AOPEP: variants seen among roughly 807,000 people sequenced by gnomAD.
AOPEP encodes aminopeptidase O.
A neutral mutation model predicts 98.1 loss-of-function variants in AOPEP; 77 were observed. That is an observed-to-expected ratio of 0.78 (90% CI 0.65 to 0.95). AOPEP has a LOEUF of 0.95. Among genes scored for constraint, AOPEP ranks in the 40% least tolerant of loss-of-function variants. AOPEP has a pLI of 0.00. For missense variants in AOPEP, 1,024 were observed against 1,024.7 expected (o/e 1.00, Z 0.01); for synonymous variants, 346 against 365.3 (o/e 0.95, Z 0.60).
chr9:94,855,459 CG>C (rs1244996750), intron 5 of AOPEP, among the ~76,000 whole-genome samples: 4 of 151,462 alleles, frequency 2.6e-5, no homozygotes, highest in East Asian at 4.0e-4. Context: ...GAGGCTGAGG[CG>C]GGCGGATCAC....
the AOPEP span, among the ~76,000 whole-genome samples, chr9:95,122,884 G>A: frequency 0.023 from 3,523 of 152,274 alleles, 146 homozygotes; most frequent in African/African-American, 0.079. Flanking sequence ...ATAACCGTGA[G>A]GGCCAGCTGT....
chr9:95,107,016 C>A, the AOPEP span: 1 of 1,590,130 alleles, frequency 6.3e-7, no homozygotes, highest in South Asian at 1.1e-5. Flanking sequence ...ACCCACCTCT[C>A]GCCTGGAGCA....
intron 3 of AOPEP, among the ~76,000 whole-genome samples, chr9:94,784,433 C>T (rs1178973072): frequency 3.9e-5 from 6 of 152,152 alleles, no homozygotes; most frequent in Non-Finnish European, 7.4e-5. Flanking sequence ...CTCTCATGAA[C>T]TGACTACTCC....
At chr9:94,900,377 A>T (rs72748577) in intron 5 of AOPEP, 3,476 of 152,358 alleles carry the variant, frequency 0.023, 89 homozygotes, top group African/African-American at 0.062. Context: ...GGGCCAAAAC[A>T]CCATCCTTCC....
At chr9:95,062,542 TC>T (rs1409730710) in intron 14 of AOPEP, among the ~76,000 whole-genome samples, 5 of 152,176 alleles carry the variant, frequency 3.3e-5, no homozygotes, top group Admixed American at 6.5e-5. Flanking sequence ...TGGGCTGCCA[TC>T]CCGGTCTGTC....
At chr9:94,751,228 T>G (rs1489942799) in intron 1 of AOPEP, among the ~76,000 whole-genome samples, 1 of 152,152 alleles carries the variant, frequency 6.6e-6, no homozygotes, top group Non-Finnish European at 1.5e-5. Flanking sequence ...TTGCTCACTC[T>G]CATGGGCCTT....
At chr9:94,877,995 A>G (rs573961535) in intron 5 of AOPEP, among the ~76,000 whole-genome samples, 2 of 152,250 alleles carry the variant, frequency 1.3e-5, no homozygotes, top group Admixed American at 6.5e-5. Context: ...AATCACTGCC[A>G]TTGGGAACAT....
intron 5 of AOPEP, among the ~76,000 whole-genome samples, chr9:94,914,084 G>C (rs563497393): frequency 6.6e-6 from 1 of 152,318 alleles, no homozygotes; most frequent in African/African-American, 2.4e-5. Flanking sequence ...ATGCTTCTAA[G>C]GGGCCAGGCA....
intron 11 of AOPEP, among the ~76,000 whole-genome samples, chr9:94,996,350 CTGTGTGTGTGTGTGTGTGTGTGTGTG>C (rs10608161): frequency 7.1e-6 from 1 of 141,782 alleles, no homozygotes; most frequent in African/African-American, 2.7e-5. Flanking sequence ...TTACTTGCCT[CTGTGTGTGTGTGTGTGTGTGTGTGTG>C]TGTGTGTGTG....
In AOPEP at chr9:94,727,265, C is replaced by T. The variant is rs575041195; in HGVS notation, c.-136+514C>T. On this transcript the variant is annotated intron_variant, in intron 1 of 16. Transcript: ENST00000375315. ...CCTATAGAACATTCATACTGTTAGT[C>T]TGGAGTTTTGTTCATGAACGCATGC... is the stretch of plus-strand genomic sequence containing the variant. Among the ~76,000 whole-genome samples the T allele has an allele frequency of 6.6e-5, 10 of 152,302 alleles. No individual in the cohort carries two copies. The South Asian group carries it at 1.2e-3, about 19-fold the overall frequency.
chr9:94,951,862 G>T lies in AOPEP; in HGVS notation c.1662-3315G>T, dbSNP rs72750334. Among the ~76,000 whole-genome samples the T allele has an allele frequency of 5.3e-3, 801 of 152,274 alleles. 14 individuals are homozygous for T. Among genetic ancestry groups the T allele is most frequent in the East Asian group, 0.044 (226 of 5,170 alleles). On this transcript the variant is annotated intron_variant, in intron 7 of 16. Transcript: ENST00000375315. ...ACCAGGCTTGTGGGGAAGAGGTGCG[G>T]TAGCAGTCACATTTTCCCCCTTTAT...
chr9:94,780,720 A>G (rs1843063020), intron 3 of AOPEP, among the ~76,000 whole-genome samples: 1 of 152,248 alleles, frequency 6.6e-6, no homozygotes, highest in Non-Finnish European at 1.5e-5. Context: ...CTCGATTGGC[A>G]GATTGGTCTC....
chr9:94,839,305 G>C (rs1042455093), intron 5 of AOPEP, among the ~76,000 whole-genome samples: 1 of 152,050 alleles, frequency 6.6e-6, no homozygotes, highest in Admixed American at 6.5e-5. Context: ...AGCCAGGTTG[G>C]TCTCGATCTC....
At chr9:95,123,858 AGCC>A in the AOPEP span, 20 of 599,424 alleles carry the variant, frequency 3.3e-5, no homozygotes, top group South Asian at 5.8e-5. Context: ...CCCCCACCAA[AGCC>A]CACGTAAGGA....
intron 4 of AOPEP, 69 bp downstream of exon 4, chr9:94,792,987 C>T (rs1339711417): frequency 6.8e-7 from 1 of 1,463,002 alleles, no homozygotes; most frequent in Non-Finnish European, 9.3e-7. Context: ...TGATGCATTT[C>T]TTCCAAGCAC....
chr9:94,745,346 G>C (rs1834229673), intron 1 of AOPEP, among the ~76,000 whole-genome samples: 1 of 151,672 alleles, frequency 6.6e-6, no homozygotes, highest in African/African-American at 2.4e-5. Context: ...GGTGATCTCG[G>C]CTCACTGCAA....
chr9:94,878,431 T>C lies in AOPEP; in HGVS notation c.1365-45555T>C, dbSNP rs190578997. Among the ~76,000 whole-genome samples, 4 of 151,760 alleles carry C rather than the reference T, an allele frequency of 2.6e-5. No individual in the cohort carries two copies. The South Asian group carries it at 6.3e-4, about 24-fold the overall frequency. On this transcript the variant is annotated intron_variant, in intron 5 of 16. Transcript: ENST00000375315. ...TTTCCAACAGGGTTCAAGGGCAGTC[T>C]TCCTCTGATGTTATTTCCCGAAGAC...
intron 5 of AOPEP, among the ~76,000 whole-genome samples, chr9:94,857,876 A>G (rs760729301): frequency 4.6e-5 from 7 of 152,178 alleles, no homozygotes; most frequent in Non-Finnish European, 7.3e-5. Context: ...CTATGTTAAG[A>G]CATCATTTAC....
chr9:95,126,483 G>A, the AOPEP span: 1 of 1,565,484 alleles, frequency 6.4e-7, no homozygotes, highest in Non-Finnish European at 8.8e-7. Context: ...CTTGGAAATG[G>A]AACCTTTTTT....
Sources: allele counts gnomAD v4.1 joint callset (sites outside exome capture counted in the v4.1 genomes callset), GRCh38; gene constraint gnomAD v4.1.1; transcripts MANE v1.5; gene names NCBI Gene and HGNC (gene_info 2026-07-23, HGNC 2026-07-21).